The following GNL2 variants were observed in gnomAD, a reference collection of about 807,000 sequenced individuals.
GNL2 encodes the protein G protein nucleolar 2, also known as nucleolar GTP-binding protein 2.
Under a neutral mutation model 92.3 loss-of-function variants are expected in GNL2, and 51 were observed. The observed-to-expected ratio is 0.55, with a 90% CI of 0.44 to 0.70. The LOEUF (loss-of-function observed/expected upper bound fraction) is 0.70. Ranked by LOEUF, GNL2 falls within the 30% of genes least tolerant of loss-of-function variation. GNL2 has a pLI of 0.00. For synonymous variants in GNL2, 283 were observed against 300.6 expected, an observed-to-expected ratio of 0.94 and a Z score of 0.61; for missense variants, 844 against 895.6, an observed-to-expected ratio of 0.94 and a Z score of 0.74.
chr1:37,579,597 C>T (rs1643732871), intron 8 of GNL2, among the ~76,000 whole-genome samples: 1 of 149,796 alleles, frequency 6.7e-6, no homozygotes, highest in South Asian at 2.1e-4. Context: ...CATATATGTA[C>T]CAAAAGAAAA....
At chr1:37,578,340 G>A (rs1643710198) in intron 8 of GNL2, among the ~76,000 whole-genome samples, 1 of 151,612 alleles carries the variant, frequency 6.6e-6, no homozygotes, top group Admixed American at 6.6e-5. Context: ...TTGGGAGGCT[G>A]AAGCAGGAGA....
chr1:37,582,621 G>A (rs982628070), intron 7 of GNL2, among the ~76,000 whole-genome samples, 157 bp downstream of exon 7: 1 of 152,218 alleles, frequency 6.6e-6, no homozygotes, highest in Non-Finnish European at 1.5e-5. Context: ...GTCTCCTGGT[G>A]CCTCTGCCCA....
intron 13 of GNL2, 81 bp from the exon 14 acceptor site, chr1:37,568,438 C>T (rs1473451544): frequency 1.1e-6 from 1 of 875,252 alleles, no homozygotes; most frequent in Admixed American, 2.0e-5. Context: ...GACAAACTCA[C>T]AGACTAAAGA....
Position 37,584,425 on chromosome 1 carries a change from T to C in GNL2, c.570-492A>G, listed in dbSNP as rs185872913. 3.1e-3 allele frequency among the ~76,000 whole-genome samples: 448 copies of C among 142,440 alleles called. 5 individuals are homozygous for C. The highest frequency in any genetic ancestry group is 8.5e-3 in the African/African-American group (328 of 38,430). The allele number at this position is 142,440 out of a possible 152,430, so 93.4% of individuals were successfully genotyped here. On this transcript the variant is annotated intron_variant, in intron 5 of 15. Coordinates refer to ENST00000373062, the MANE Select transcript of GNL2 (RefSeq NM_013285.3). ...GAGCAGGCTACTGCTCCAGCCTGGG[T>C]GACAGAGCAAGACCCTGTCTCAAAA...
intron 12 of GNL2, among the ~76,000 whole-genome samples, chr1:37,571,096 T>G (rs182238648): frequency 6.9e-4 from 105 of 152,342 alleles, no homozygotes; most frequent in Non-Finnish European, 1.3e-3. Context: ...CTGAAGGGGT[T>G]TCTGCTCTTA....
chr1:37,568,363 A>G lies in GNL2; in HGVS notation c.1869-6T>C. On this transcript the variant is annotated splice_region_variant and splice_polypyrimidine_tract_variant and intron_variant, in intron 13 of 15. Transcript: ENST00000373062. ...CACTCAGTCCCTTGGATATTCTGAAACAGAAAAGCAAAGTAACATTCCTCC... is the reference window on the plus strand; with the variant it reads ...CACTCAGTCCCTTGGATATTCTGAAGCAGAAAAGCAAAGTAACATTCCTCC... The G allele has an allele frequency of 6.3e-7, 1 of 1,590,502 alleles. No individual in the cohort carries two copies. Among genetic ancestry groups the G allele is most frequent in the Non-Finnish European group, 8.6e-7 (1 of 1,158,580 alleles).
intron 12 of GNL2, among the ~76,000 whole-genome samples, chr1:37,572,194 A>C (rs572151850): frequency 2.0e-5 from 3 of 152,082 alleles, no homozygotes; most frequent in African/African-American, 7.2e-5. Flanking sequence ...AGCACGCAAG[A>C]CTTCCTGACA....
intron 8 of GNL2, among the ~76,000 whole-genome samples, chr1:37,580,644 G>A (rs758231809): frequency 2.0e-5 from 3 of 152,292 alleles, no homozygotes; most frequent in Non-Finnish European, 2.9e-5. Flanking sequence ...GAAAGACGAC[G>A]CTGCAGCAGC....
At chr1:37,577,474 C>A (rs575373002) in intron 8 of GNL2, among the ~76,000 whole-genome samples, 1 of 152,214 alleles carries the variant, frequency 6.6e-6, no homozygotes, top group East Asian at 1.9e-4. Context: ...CAGCAGTGGA[C>A]ATTAACACTT....
chr1:37,595,270 T>C (rs1292424091), intron 1 of GNL2, among the ~76,000 whole-genome samples: 1 of 152,200 alleles, frequency 6.6e-6, no homozygotes, highest in African/African-American at 2.4e-5. Flanking sequence ...CTAAACAGCC[T>C]TACTGCAATG....
At chr1:37,569,380 T>G in intron 12 of GNL2, 78 bp from the exon 13 acceptor site, 1 of 943,658 alleles carries the variant, frequency 1.1e-6, no homozygotes, top group South Asian at 1.6e-5. Flanking sequence ...TATCTTGCTC[T>G]TAAACAGTCC....
At chr1:37,587,266 C>CAAAA (rs11420067) in intron 5 of GNL2, 45 bp downstream of exon 5, 100 of 1,155,368 alleles carry the variant, frequency 8.7e-5, no homozygotes, top group Non-Finnish European at 1.0e-4. Flanking sequence ...GACTCCATCT[C>CAAAA]AAAAAAAAAA....
intron 6 of GNL2, 146 bp from the exon 7 acceptor site, chr1:37,583,082 A>C (rs934292653): frequency 2.2e-5 from 11 of 493,898 alleles, no homozygotes; most frequent in Non-Finnish European, 3.8e-5. Flanking sequence ...GGCTAATCTC[A>C]AGGCCCAGTG....
Position 37,574,456 on chromosome 1 carries a change from CCT to C in GNL2, c.1303-2_1303-1del, listed in dbSNP as rs747150226. On this transcript the variant is annotated splice_acceptor_variant, in intron 11 of 15. Coordinates refer to ENST00000373062, the MANE Select transcript of GNL2 (RefSeq NM_013285.3). LOFTEE classifies it high-confidence loss of function. Reference sequence around the variant, plus strand: ...ACAGTCTGCAAGTCGGGCTCTCCACCCTGAAAGGTCACAAAGAGATTCCCAAT... The same window carrying C: ...ACAGTCTGCAAGTCGGGCTCTCCACCGAAAGGTCACAAAGAGATTCCCAAT... The C allele has an allele frequency of 3.1e-6, 5 of 1,610,442 alleles. No individual in the cohort carries two copies.
At chr1:37,589,901 T>A (rs569937000) in intron 4 of GNL2, among the ~76,000 whole-genome samples, 1 of 152,312 alleles carries the variant, frequency 6.6e-6, no homozygotes, top group South Asian at 2.1e-4. Flanking sequence ...AACACCAAAG[T>A]TCTACCAACT....
chr1:37,568,728 CAAAA>C (rs1460556807), intron 13 of GNL2, 119 bp downstream of exon 13: 23 of 763,312 alleles, frequency 3.0e-5, no homozygotes, highest in African/African-American at 7.0e-5. Context: ...AACAAACAAA[CAAAA>C]AACCCAACCG....
At chr1:37,588,807 G>T (rs1330941440) in intron 4 of GNL2, among the ~76,000 whole-genome samples, 1 of 152,128 alleles carries the variant, frequency 6.6e-6, no homozygotes, top group Non-Finnish European at 1.5e-5. Context: ...AATAATCTCA[G>T]AATTAGATTT....
At position 37,575,798 on chromosome 1, in the gene GNL2, G is replaced by T; in HGVS notation, c.1039-99C>A. 1 of 734,448 alleles carries T rather than the reference G, an allele frequency of 1.4e-6. No individual in the cohort carries two copies. Among genetic ancestry groups the T allele is most frequent in the East Asian group, 2.9e-5 (1 of 34,312 alleles). 45.5% of individuals were successfully genotyped at this position (734,448 alleles called of 1,614,324 possible). ...ATGTATGAAGCTGGAAAGGAGGAAG[G>T]GGTGAGTCAAAGAAAAGCAACGCGC... On this transcript the variant is annotated intron_variant, in intron 9 of 15. Transcript: ENST00000373062. The surrounding 1 kb of genome is among the most constrained non-coding windows in gnomAD (Gnocchi z 4.1).
intron 4 of GNL2, among the ~76,000 whole-genome samples, chr1:37,590,117 T>C (rs574720564): frequency 6.6e-6 from 1 of 151,946 alleles, no homozygotes; most frequent in Non-Finnish European, 1.5e-5. Context: ...ATACTTTCTG[T>C]TTTTTTTAGA....
Sources: allele counts gnomAD v4.1 joint callset (sites outside exome capture counted in the v4.1 genomes callset), GRCh38; gene constraint gnomAD v4.1.1; non-coding constraint Gnocchi (gnomAD v3.1); transcripts MANE v1.5; gene names NCBI Gene and HGNC (gene_info 2026-07-23, HGNC 2026-07-21).